The following SIM2 variants were observed in gnomAD, a reference collection of about 807,000 sequenced individuals.
SIM2 encodes SIM bHLH transcription factor 2.
In SIM2, 28 loss-of-function variants were observed where a neutral mutation model predicts 64.8. That is an observed-to-expected ratio of 0.43 (90% CI 0.32 to 0.59). The LOEUF (loss-of-function observed/expected upper bound fraction) is 0.59, where lower values mean the gene tolerates loss of function less well. Ranked by LOEUF, SIM2 falls within the 20% of genes least tolerant of loss-of-function variation. The probability of loss-of-function intolerance (pLI) is 0.07; values close to 1 mark genes in which losing one functional copy is unlikely to be tolerated. For missense variants in SIM2, 847 were observed against 871.4 expected (o/e 0.97, Z 0.35); for synonymous variants, 408 against 391.1 (o/e 1.04, Z -0.51).
chr21:36,708,300 G>C (rs984898658), intron 1 of SIM2, among the ~76,000 whole-genome samples: 2 of 152,260 alleles, frequency 1.3e-5, no homozygotes, highest in Non-Finnish European at 2.9e-5. Flanking sequence ...GGTCTCGCGG[G>C]GCGCAGCAGT....
At chr21:36,715,721 A>AT (rs1341074721) in intron 3 of SIM2, among the ~76,000 whole-genome samples, 2 of 152,132 alleles carry the variant, frequency 1.3e-5, no homozygotes, top group African/African-American at 4.8e-5. Context: ...CTACAAAGTG[A>AT]TTTTTTGTTT....
At chr21:36,725,075 G>A (rs1157285555) in intron 5 of SIM2, among the ~76,000 whole-genome samples, 3 of 152,224 alleles carry the variant, frequency 2.0e-5, no homozygotes, top group African/African-American at 7.2e-5. Flanking sequence ...GCAGGGCACA[G>A]TGATTCATGC....
At chr21:36,732,614 C>T (rs1431506892) in intron 7 of SIM2, among the ~76,000 whole-genome samples, 1 of 152,192 alleles carries the variant, frequency 6.6e-6, no homozygotes, top group Non-Finnish European at 1.5e-5. Flanking sequence ...TTCCTTGCTC[C>T]TTGACTCATG....
At position 36,745,540 on chromosome 21, in the gene SIM2, C is replaced by T. The variant is rs1167643434; in HGVS notation, c.1576+404C>T. 2.7e-6 allele frequency: 3 copies of T among 1,119,430 alleles called. No individual in the cohort carries two copies. In the East Asian group the frequency reaches 1.9e-4, roughly 70 times the overall value. The allele number at this position is 1,119,430 out of a possible 1,614,324, so 69.3% of individuals were successfully genotyped here. On this transcript the variant is annotated intron_variant, in intron 10 of 10. Transcript: ENST00000290399. This position sits in a 1 kb window ranked among gnomAD's most constrained non-coding sequence, Gnocchi z 4.8. ...AGAAGTGAATATTTGAGACAAACGG[C>T]CTATTGGCTATTTTCCCATGCCAGT...
In SIM2 at chr21:36,743,385, A is replaced by G; in HGVS notation, c.999-2A>G. 1 of 1,610,338 alleles carries G rather than the reference A, an allele frequency of 6.2e-7. No homozygotes were observed. The highest frequency in any genetic ancestry group is 8.5e-7 in the Non-Finnish European group (1 of 1,178,562). On this transcript the variant is annotated splice_acceptor_variant, in intron 8 of 10. Transcript: ENST00000290399. LOFTEE classifies it high-confidence loss of function. ...ATGACTCGGCCCACTCTCGCCTTCC[A>G]GGGAGATTGAATACAAGGAACTTCA...
In SIM2 at chr21:36,747,420, T is replaced by G. The variant is rs2089242937; in HGVS notation, c.1577-245T>G. On this transcript the variant is annotated intron_variant, in intron 10 of 10. Transcript: ENST00000290399. This position sits in a 1 kb window ranked among gnomAD's most constrained non-coding sequence, Gnocchi z 4.5. ...GAGAGAGTATTTTGGATATGCTGCATTAACGTGTATTACTTAACAGGCATT... is the reference window on the plus strand; with the variant it reads ...GAGAGAGTATTTTGGATATGCTGCAGTAACGTGTATTACTTAACAGGCATT... 6.6e-6 allele frequency among the ~76,000 whole-genome samples: 1 copy of G among 152,178 alleles called. No homozygotes were observed. The highest frequency in any genetic ancestry group is 2.4e-5 in the African/African-American group (1 of 41,450).
intron 6 of SIM2, among the ~76,000 whole-genome samples, chr21:36,730,507 C>A (rs1241161897): frequency 6.6e-6 from 1 of 152,168 alleles, no homozygotes; most frequent in African/African-American, 2.4e-5. Flanking sequence ...TTAATGGGGA[C>A]AGAGTGTTTG....
intron 5 of SIM2, among the ~76,000 whole-genome samples, chr21:36,723,900 C>A (rs1269008529): frequency 1.3e-5 from 2 of 152,240 alleles, no homozygotes; most frequent in Non-Finnish European, 2.9e-5. Context: ...CCCGCCAACA[C>A]TTTTGTCCCC....
intron 8 of SIM2, among the ~76,000 whole-genome samples, chr21:36,742,646 G>A (rs551940061): frequency 1.3e-5 from 2 of 152,218 alleles, no homozygotes; most frequent in South Asian, 2.1e-4. Context: ...GCTATTGTAC[G>A]TTCAATCACC....
rs1184514921 is a variant in SIM2, at chr21:36,745,936, G to A, written c.1576+800G>A. 9 of 1,257,756 alleles carry A rather than the reference G, an allele frequency of 7.2e-6. No individual in the cohort carries two copies. Among genetic ancestry groups the A allele is most frequent in the South Asian group, 2.6e-5 (2 of 77,332 alleles). 77.9% of individuals were successfully genotyped at this position (1,257,756 alleles called of 1,614,324 possible). A position where few individuals can be genotyped will look rare whatever the true frequency, so the allele number is the denominator to read the frequency against. Reference sequence around the variant, plus strand: ...GCAGGACATGTATTCCCATTGCACCGAGACCTAACTGCCGCTCAGAGTGTA... The same window carrying A: ...GCAGGACATGTATTCCCATTGCACCAAGACCTAACTGCCGCTCAGAGTGTA... On this transcript the variant is annotated intron_variant, in intron 10 of 10. Transcript: ENST00000290399. The surrounding 1 kb of genome is among the most constrained non-coding windows in gnomAD (Gnocchi z 4.8).
At chr21:36,717,884 A>G (rs775018434) in intron 3 of SIM2, among the ~76,000 whole-genome samples, 1 of 152,338 alleles carries the variant, frequency 6.6e-6, no homozygotes, top group Non-Finnish European at 1.5e-5. Context: ...TTAAGGATTA[A>G]CAGGAATGAC....
intron 6 of SIM2, among the ~76,000 whole-genome samples, chr21:36,729,842 C>A (rs1023775946): frequency 6.6e-6 from 1 of 152,192 alleles, no homozygotes; most frequent in Non-Finnish European, 1.5e-5. Flanking sequence ...ACGGCCAGAG[C>A]GATCCTGATG....
chr21:36,741,823 G>C lies in SIM2; in HGVS notation c.957G>C (p.Ser319=). The C allele has an allele frequency of 1.2e-6, 2 of 1,607,894 alleles. No homozygotes were observed. The highest frequency in any genetic ancestry group is 8.5e-7 in the Non-Finnish European group (1 of 1,177,624). The change falls in exon 8 of 11, where the codon TCG becomes TCC. Residue 319 remains serine, a synonymous_variant. Transcript: ENST00000290399. ...CCACCGTGGTGCACAACAGCCGCTC[G>C]TCCCGGCCCCACTGCATCGTGAGTG... ...SYATVVHNSR[S]SRPHCIVSVN... is the part of the protein sequence containing the mutation.
intron 3 of SIM2, among the ~76,000 whole-genome samples, chr21:36,714,147 C>A (rs2088713235): frequency 1.3e-5 from 2 of 152,312 alleles, no homozygotes; most frequent in South Asian, 4.1e-4. Flanking sequence ...TTTTATCTTG[C>A]CCTATTTAGA....
At chr21:36,722,938 G>T in intron 4 of SIM2, 107 bp from the exon 5 acceptor site, 1 of 830,360 alleles carries the variant, frequency 1.2e-6, no homozygotes, top group Non-Finnish European at 2.1e-6. Flanking sequence ...CACTGAGAAG[G>T]CCTCTGGGTG....
intron 1 of SIM2, among the ~76,000 whole-genome samples, chr21:36,708,908 G>A (rs1473078637): frequency 6.6e-6 from 1 of 152,242 alleles, no homozygotes; most frequent in Non-Finnish European, 1.5e-5. Flanking sequence ...CGCGGGAGCT[G>A]TGGGCCTGGC....
chr21:36,744,801 G>C lies in SIM2; in HGVS notation c.1241G>C (p.Ser414Thr), dbSNP rs976058926. ...LGNWRASPPA[S>T]AAAPPELQPH... ...AACTGGAGAGCCAGTCCCCCTGCAAGCGCTGCTGCTCCTCCAGAACTGCAG... is the reference window on the plus strand; with the variant it reads ...AACTGGAGAGCCAGTCCCCCTGCAACCGCTGCTGCTCCTCCAGAACTGCAG... The change falls in exon 10 of 11, where the codon AGC (serine) becomes ACC (threonine). Residue 414 changes from serine to threonine, a missense_variant. Physicochemically the swap from Ser to Thr is moderately conservative, Grantham distance 58. Coordinates refer to ENST00000290399, the MANE Select transcript of SIM2 (RefSeq NM_005069.6). The C allele has an allele frequency of 2.5e-6, 4 of 1,613,996 alleles. No individual in the cohort carries two copies. Among genetic ancestry groups the C allele is most frequent in the Non-Finnish European group, 3.4e-6 (4 of 1,179,946 alleles).
At chr21:36,731,814 T>A (rs183789469) in intron 7 of SIM2, among the ~76,000 whole-genome samples, 52 of 152,286 alleles carry the variant, frequency 3.4e-4, no homozygotes, top group African/African-American at 1.1e-3. Flanking sequence ...CATCAGGATA[T>A]AGAGGCGGAT....
Position 36,699,743 on chromosome 21 carries a change from C to T in SIM2, c.-4C>T. 1.2e-6 allele frequency: 2 copies of T among 1,612,070 alleles called. No individual in the cohort carries two copies. The highest frequency in any genetic ancestry group is 1.3e-5 in the African/African-American group (1 of 74,790). On this transcript the variant is annotated 5_prime_UTR_variant, in exon 1 of 11. Coordinates refer to ENST00000290399, the MANE Select transcript of SIM2 (RefSeq NM_005069.6). The surrounding 1 kb of genome is among the most constrained non-coding windows in gnomAD (Gnocchi z 5.6). ...GGGTCTAATATGCCCGGAGCCGAGG[C>T]GCGATGAAGGAGAAGTCCAAGAATG...
Sources: gnomAD v4.1 joint callset for allele counts (sites outside exome capture counted in the v4.1 genomes callset) on GRCh38, gnomAD v4.1.1 for gene constraint, Gnocchi (gnomAD v3.1) non-coding constraint, MANE v1.5 for transcripts, NCBI Gene and HGNC (gene_info 2026-07-23, HGNC 2026-07-21) for gene names.